Variants in CCDC178 observed in about 807,000 individuals in gnomAD.
The protein encoded by CCDC178 is coiled-coil domain containing 178, also known as coiled-coil domain-containing protein 178.
A neutral mutation model predicts 117.4 loss-of-function variants in CCDC178; 126 were observed. The ratio of observed to expected loss-of-function variants is 1.07; its 90% CI spans 0.93 to 1.24. CCDC178 has a LOEUF of 1.24. Among genes scored for constraint, CCDC178 ranks in the 50% most tolerant of loss-of-function variants. The pLI, the probability that CCDC178 is intolerant of heterozygous loss-of-function variation, is 0.00. For synonymous variants in CCDC178, 283 were observed against 313.4 expected, an observed-to-expected ratio of 0.90 and a Z score of 1.02; for missense variants, 1,030 against 986.9, an observed-to-expected ratio of 1.04 and a Z score of -0.59.
intron 21 of CCDC178, among the ~76,000 whole-genome samples, chr18:33,051,837 C>T (rs1301990821): frequency 1.3e-5 from 2 of 152,152 alleles, no homozygotes; most frequent in Non-Finnish European, 2.9e-5. Flanking sequence ...GAGGCACGAG[C>T]ATTTTTAATC....
At chr18:33,422,203 T>G (rs2064035444) in intron 2 of CCDC178, among the ~76,000 whole-genome samples, 1 of 152,224 alleles carries the variant, frequency 6.6e-6, no homozygotes. Context: ...ATTGTTTCTC[T>G]TGGCATGCAT....
At chr18:33,320,053 T>TA (rs1241894803) in intron 11 of CCDC178, among the ~76,000 whole-genome samples, 1 of 152,184 alleles carries the variant, frequency 6.6e-6, no homozygotes. Context: ...CCCTTCATGC[T>TA]AAAAACTCTC....
chr18:33,235,707 T>C (rs958689617), intron 15 of CCDC178, among the ~76,000 whole-genome samples: 1 of 152,158 alleles, frequency 6.6e-6, no homozygotes, highest in Non-Finnish European at 1.5e-5. Flanking sequence ...GCAGCTTGCA[T>C]AGAAGATTTC....
chr18:33,300,167 A>G (rs1479327809), intron 11 of CCDC178, among the ~76,000 whole-genome samples: 7 of 152,114 alleles, frequency 4.6e-5, no homozygotes, highest in Non-Finnish European at 8.8e-5. Flanking sequence ...GCCATGTGAC[A>G]TGCCTGCTTG....
At chr18:32,977,031 A>T (rs575491105) in intron 21 of CCDC178, among the ~76,000 whole-genome samples, 1 of 152,240 alleles carries the variant, frequency 6.6e-6, no homozygotes, top group East Asian at 1.9e-4. Context: ...TATTTTCTTA[A>T]CAAAGACAAA....
chr18:33,250,831 A>G (rs2059612128), intron 14 of CCDC178, among the ~76,000 whole-genome samples: 1 of 151,462 alleles, frequency 6.6e-6, no homozygotes, highest in Admixed American at 6.6e-5. Context: ...TGAAAAAATT[A>G]CACACACACA....
intron 21 of CCDC178, chr18:32,983,405 T>C: frequency 1.9e-6 from 2 of 1,067,658 alleles, no homozygotes; most frequent in Non-Finnish European, 2.8e-6. Context: ...CAGAAGTCCG[T>C]ATTTCCTATC....
At chr18:33,240,207 T>C (rs1165210227) in intron 15 of CCDC178, among the ~76,000 whole-genome samples, 1 of 151,546 alleles carries the variant, frequency 6.6e-6, no homozygotes, top group Non-Finnish European at 1.5e-5. Context: ...TAAAAAAATA[T>C]ATCAACATTT....
At chr18:33,296,267 A>G (rs1369244465) in intron 11 of CCDC178, among the ~76,000 whole-genome samples, 1 of 152,176 alleles carries the variant, frequency 6.6e-6, no homozygotes, top group African/African-American at 2.4e-5. Flanking sequence ...AGTGGTTGTC[A>G]GGAGACAGAG....
At chr18:33,093,433 C>A (rs1489980839) in intron 20 of CCDC178, among the ~76,000 whole-genome samples, 1 of 151,970 alleles carries the variant, frequency 6.6e-6, no homozygotes, top group Non-Finnish European at 1.5e-5. Flanking sequence ...ATAGGGAATG[C>A]AAAATTTAGA....
chr18:33,223,162 T>G lies in CCDC178; in HGVS notation c.1876A>C (p.Lys626Gln). ...DLIRRKVGKV[K>Q]KKLRKKGKKT... ...TTCCCCTTTTTTCGTAATTTTTTCT[T>G]TACTTTTCCCACCTTTCTTCTAATA... Residue 626 changes from lysine to glutamine, a missense_variant, in exon 18 of 23, where the codon AAG (lysine) becomes CAG (glutamine). Lys to Gln is a moderately conservative substitution (Grantham distance 53). Transcript: ENST00000383096. 1 of 1,608,318 alleles carries G rather than the reference T, an allele frequency of 6.2e-7. No homozygotes were observed. Among genetic ancestry groups the G allele is most frequent in the Non-Finnish European group, 8.5e-7 (1 of 1,176,590 alleles).
intron 21 of CCDC178, among the ~76,000 whole-genome samples, chr18:33,073,428 A>C (rs145384988): frequency 6.6e-6 from 1 of 152,134 alleles, no homozygotes; most frequent in Non-Finnish European, 1.5e-5. Flanking sequence ...ATTCTATCAT[A>C]TACTCAGACA....
At chr18:33,238,213 A>T (rs2059448143) in intron 15 of CCDC178, among the ~76,000 whole-genome samples, 1 of 152,194 alleles carries the variant, frequency 6.6e-6, no homozygotes, top group Non-Finnish European at 1.5e-5. Context: ...CCAGATGCAC[A>T]GATACCAACA....
intron 6 of CCDC178, among the ~76,000 whole-genome samples, chr18:33,360,950 T>C (rs2144727807): frequency 6.6e-6 from 1 of 151,636 alleles, no homozygotes; most frequent in African/African-American, 2.4e-5. Context: ...GCCATGTCGA[T>C]AAAAATTCCA....
intron 2 of CCDC178, among the ~76,000 whole-genome samples, chr18:33,421,806 AAT>A (rs2064030733): frequency 6.6e-6 from 1 of 152,216 alleles, no homozygotes; most frequent in Non-Finnish European, 1.5e-5. Context: ...TATGAGAATG[AAT>A]AGAGTCATAA....
At chr18:33,040,114 T>A (rs1280776222) in intron 21 of CCDC178, among the ~76,000 whole-genome samples, 1 of 151,914 alleles carries the variant, frequency 6.6e-6, no homozygotes, top group African/African-American at 2.4e-5. Context: ...TTTGATGAGT[T>A]AGTGTACACA....
chr18:33,084,109 A>G lies in CCDC178; in HGVS notation c.2388+8652T>C, dbSNP rs182933882. 4.2e-4 allele frequency among the ~76,000 whole-genome samples: 63 copies of G among 151,704 alleles called. 1 individual carries two copies. Among genetic ancestry groups the G allele is most frequent in the Middle Eastern group, 3.4e-3 (1 of 292 alleles). On this transcript the variant is annotated intron_variant, in intron 21 of 22. Coordinates refer to ENST00000383096, the MANE Select transcript of CCDC178 (RefSeq NM_001105528.4). ...TTTTTCTAGCCAGTCCTTGTGATGC[A>G]TTGAACTTTTTGTCATTGTTACAAC... is the stretch of plus-strand genomic sequence containing the variant.
intron 15 of CCDC178, among the ~76,000 whole-genome samples, chr18:33,234,610 C>A (rs964842060): frequency 1.3e-5 from 2 of 151,266 alleles, no homozygotes; most frequent in African/African-American, 4.9e-5. Flanking sequence ...GAAAAAACAA[C>A]TTTTTTAGTT....
chr18:32,983,181 G>T, intron 21 of CCDC178: 1 of 674,024 alleles, frequency 1.5e-6, no homozygotes, highest in Non-Finnish European at 2.5e-6. Flanking sequence ...AGTGGGAATT[G>T]GGAGTAGGTA....
Sources: gnomAD v4.1 joint callset for allele counts (sites outside exome capture counted in the v4.1 genomes callset) on GRCh38, gnomAD v4.1.1 for gene constraint, MANE v1.5 for transcripts, NCBI Gene and HGNC (gene_info 2026-07-23, HGNC 2026-07-21) for gene names.